Variants in VCF1 observed in about 807,000 individuals in gnomAD.
The protein encoded by VCF1 is VCP nuclear cofactor family member 1, also known as protein VCF1.
chr17:73,225,900 T>TATATATATATATATATA, the VCF1 span, among the ~76,000 whole-genome samples: 1 of 77,866 alleles, frequency 1.3e-5, no homozygotes, highest in African/African-American at 6.5e-5. Context: ...TATATATATA[T>TATATATATATATATATA]TTTTTTTTTT....
the VCF1 span, among the ~76,000 whole-genome samples, chr17:73,216,072 G>C: frequency 2.0e-5 from 3 of 152,130 alleles, no homozygotes; most frequent in African/African-American, 7.2e-5. Context: ...GAGCATGGAA[G>C]ACTGGCTCAG....
the VCF1 span, among the ~76,000 whole-genome samples, chr17:73,211,723 G>A: frequency 6.6e-6 from 1 of 152,030 alleles, no homozygotes; most frequent in Non-Finnish European, 1.5e-5. Flanking sequence ...AGCTGGGCAT[G>A]GTGGTGTGTG....
chr17:73,229,867 C>CAAAAAAAAA, the VCF1 span, among the ~76,000 whole-genome samples: 6 of 22,624 alleles, frequency 2.7e-4, no homozygotes, highest in African/African-American at 5.9e-4. Context: ...GACTCCATCT[C>CAAAAAAAAA]AAAAAAAAAA....
the VCF1 span, chr17:73,232,302 C>T: frequency 1.3e-5 from 21 of 1,579,250 alleles, no homozygotes; most frequent in East Asian, 9.3e-5. Context: ...TCCGCGCCCC[C>T]CCATGTCGCT....
At chr17:73,209,630 C>T in the VCF1 span, 79 of 1,562,676 alleles carry the variant, frequency 5.1e-5, no homozygotes, top group Middle Eastern at 1.7e-4. Context: ...GCGGACTGCT[C>T]GGGCACGGGC....
chr17:73,230,947 G>GT, the VCF1 span, among the ~76,000 whole-genome samples: 2 of 152,096 alleles, frequency 1.3e-5, no homozygotes, highest in African/African-American at 2.4e-5. Flanking sequence ...AGAGAATATC[G>GT]TAAGTATAAA....
chr17:73,212,646 A>G, the VCF1 span: 2 of 1,563,938 alleles, frequency 1.3e-6, no homozygotes, highest in Non-Finnish European at 8.7e-7. Context: ...AATATTTAAC[A>G]AACAGGTCAC....
At chr17:73,231,569 C>T in the VCF1 span, among the ~76,000 whole-genome samples, 3 of 152,234 alleles carry the variant, frequency 2.0e-5, no homozygotes, top group Non-Finnish European at 2.9e-5. Context: ...CCGCCTTGGT[C>T]ATCTGCCCTT....
chr17:73,221,060 G>A, the VCF1 span, among the ~76,000 whole-genome samples: 15 of 150,226 alleles, frequency 1.0e-4, no homozygotes, highest in Middle Eastern at 3.2e-3. Flanking sequence ...CACCACGCCC[G>A]GTTAATTTTT....
At chr17:73,226,094 G>T in the VCF1 span, among the ~76,000 whole-genome samples, 1 of 151,480 alleles carries the variant, frequency 6.6e-6, no homozygotes, top group African/African-American at 2.4e-5. Flanking sequence ...GTAGAGATGG[G>T]GTTTCACCAT....
the VCF1 span, chr17:73,207,447 G>A: frequency 1.4e-6 from 1 of 707,862 alleles, no homozygotes; most frequent in Non-Finnish European, 2.5e-6. Context: ...TGTAAAAGAT[G>A]CCCGCTGACA....
At chr17:73,208,306 A>G in the VCF1 span, 1 of 1,613,192 alleles carries the variant, frequency 6.2e-7, no homozygotes, top group Non-Finnish European at 8.5e-7. Flanking sequence ...CTCTACATCC[A>G]ATGGCAGGTT....
the VCF1 span, among the ~76,000 whole-genome samples, chr17:73,210,549 ACT>A: frequency 4.0e-5 from 6 of 151,162 alleles, no homozygotes; most frequent in African/African-American, 1.5e-4. Context: ...CACCACTAGG[ACT>A]CTCAAAGGGG....
chr17:73,224,421 G>A, the VCF1 span, among the ~76,000 whole-genome samples: 9,454 of 152,058 alleles, frequency 0.062, 325 homozygotes, highest in Middle Eastern at 0.085. Context: ...CTCCAGTCTG[G>A]GTGACAAAGC....
At chr17:73,231,965 T>C in the VCF1 span, 1 of 1,090,558 alleles carries the variant, frequency 9.2e-7, no homozygotes. Context: ...CGGCCCGCAG[T>C]GCACCCCACA....
At chr17:73,209,692 G>A in the VCF1 span, 45 of 1,548,524 alleles carry the variant, frequency 2.9e-5, no homozygotes, top group African/African-American at 4.4e-4. Context: ...GCTGCCTTCC[G>A]GCCCGCTGGC....
At chr17:73,226,249 C>T in the VCF1 span, among the ~76,000 whole-genome samples, 1 of 152,176 alleles carries the variant, frequency 6.6e-6, no homozygotes, top group Non-Finnish European at 1.5e-5. Flanking sequence ...CAGGTCTCCA[C>T]ACAGAAGGAT....
chr17:73,227,337 C>G, the VCF1 span: 1 of 1,213,826 alleles, frequency 8.2e-7, no homozygotes, highest in Non-Finnish European at 1.1e-6. Context: ...AATTGCAAAC[C>G]ATAACAACAT....
the VCF1 span, among the ~76,000 whole-genome samples, chr17:73,209,920 G>A: frequency 1.3e-5 from 2 of 152,294 alleles, no homozygotes; most frequent in Admixed American, 6.5e-5. Flanking sequence ...GATAAAGTAC[G>A]CTCTCCTAAA....
Sources: gnomAD v4.1 joint callset for allele counts (sites outside exome capture counted in the v4.1 genomes callset) on GRCh38, gnomAD v4.1.1 for gene constraint, MANE v1.5 for transcripts, NCBI Gene and HGNC (gene_info 2026-07-23, HGNC 2026-07-21) for gene names.